Variants in NEIL2 observed in about 807,000 individuals in gnomAD.
The protein encoded by NEIL2 is endonuclease 8-like 2.
Under a neutral mutation model 22.2 loss-of-function variants are expected in NEIL2, and 23 were observed. The observed-to-expected ratio is 1.04, with a 90% CI of 0.75 to 1.47. NEIL2 has a LOEUF of 1.47. Ranked by LOEUF, NEIL2 falls within the 40% of genes most tolerant of loss-of-function variation. NEIL2 has a pLI of 0.00. For missense variants in NEIL2, 583 were observed against 404.7 expected (o/e 1.44, Z -3.78); for synonymous variants, 229 against 164.8 (o/e 1.39, Z -2.99).
chr8:11,776,306 C>T (rs2130470388), intron 2 of NEIL2, among the ~76,000 whole-genome samples: 1 of 152,236 alleles, frequency 6.6e-6, no homozygotes, highest in South Asian at 2.1e-4. Context: ...AAAACCCATC[C>T]CCATGATTCA....
At chr8:11,779,381 C>G (rs1435025971) in intron 2 of NEIL2, among the ~76,000 whole-genome samples, 1 of 152,162 alleles carries the variant, frequency 6.6e-6, no homozygotes, top group African/African-American at 2.4e-5. Context: ...TGTTTCACTG[C>G]CAACTAAGTC....
chr8:11,782,465 C>G (rs556641970), intron 3 of NEIL2: 1 of 154,330 alleles, frequency 6.5e-6, no homozygotes, highest in African/African-American at 2.4e-5. Context: ...ATTTAATATG[C>G]CTAGCCTACC....
chr8:11,785,480 G>T (rs957941158), intron 4 of NEIL2, among the ~76,000 whole-genome samples: 2 of 152,184 alleles, frequency 1.3e-5, no homozygotes, highest in South Asian at 4.1e-4. Flanking sequence ...ACAGGAATGC[G>T]CCAGGCCAAC....
rs148327331 is a variant in NEIL2, at chr8:11,779,723, G to A, written c.264G>A (p.Gln88=). The change falls in exon 3 of 5, where the codon CAG becomes CAA. Residue 88 remains glutamine, a synonymous_variant. Coordinates refer to ENST00000284503, the MANE Select transcript of NEIL2 (RefSeq NM_145043.4). ...AGGAAGGGGCTGCGGACCCAAAGCAGGTCGGGGAGCCCAGCGGGCAGAAGA... is the reference window on the plus strand; with the variant it reads ...AGGAAGGGGCTGCGGACCCAAAGCAAGTCGGGGAGCCCAGCGGGCAGAAGA... ...VQKEGAADPK[Q]VGEPSGQKTL... is the part of the protein sequence containing the mutation. The A allele has an allele frequency of 1.4e-5, 22 of 1,614,220 alleles. No homozygotes were observed. In the East Asian group the frequency reaches 4.9e-4, roughly 36 times the overall value.
At chr8:11,785,875 GC>G in intron 4 of NEIL2, 87 bp from the exon 5 acceptor site, 3 of 1,213,658 alleles carry the variant, frequency 2.5e-6, no homozygotes, top group Non-Finnish European at 3.7e-6. Flanking sequence ...ACATGGAAGA[GC>G]TGATTTCTGC....
At position 11,786,483 on chromosome 8, in the gene NEIL2, A is replaced by G; in HGVS notation, c.*210A>G. The G allele has an allele frequency of 1.7e-6, 1 of 601,064 alleles. No homozygotes were observed. Among genetic ancestry groups the G allele is most frequent in the Non-Finnish European group, 3.0e-6 (1 of 337,470 alleles). The allele number at this position is 601,064 out of a possible 1,614,324, so 37.2% of individuals were successfully genotyped here. ...TATCCTTTTCTAGTTCAGTTAATTC[A>G]TCCTGTTGAATTGCACCATCGTGAA... On this transcript the variant is annotated 3_prime_UTR_variant, in exon 5 of 5. Transcript: ENST00000284503.
In NEIL2 at chr8:11,780,041, G is replaced by A; in HGVS notation, c.491+91G>A. The A allele has an allele frequency of 9.7e-6, 11 of 1,130,564 alleles. No individual in the cohort carries two copies. The South Asian group carries it at 1.5e-4, about 15-fold the overall frequency. 70.0% of individuals were successfully genotyped at this position (1,130,564 alleles called of 1,614,324 possible). ...GGGACTTCAGCAGTGGGGACATACT[G>A]AGGACGTCCAGTCTGCCCCCCAGGG... On this transcript the variant is annotated intron_variant, in intron 3 of 4. Coordinates refer to ENST00000284503, the MANE Select transcript of NEIL2 (RefSeq NM_145043.4).
rs577504135 is a variant in NEIL2 at position 11,782,975 on chromosome 8, T to A, written c.492-228T>A. The A allele has an allele frequency of 3.5e-4, 211 of 608,748 alleles. 1 individual carries two copies. The highest frequency in any genetic ancestry group is 3.4e-3 in the African/African-American group (183 of 54,130). 37.7% of individuals were successfully genotyped at this position (608,748 alleles called of 1,614,324 possible). On this transcript the variant is annotated intron_variant, in intron 3 of 4. Transcript: ENST00000284503. ...TCCTCTGACTATGTTGTGGTAATGATGTGGGGATGTGTGTATGTGTGCATG... is the reference window on the plus strand; with the variant it reads ...TCCTCTGACTATGTTGTGGTAATGAAGTGGGGATGTGTGTATGTGTGCATG...
intron 2 of NEIL2, among the ~76,000 whole-genome samples, chr8:11,773,268 C>T (rs549970595): frequency 3.3e-5 from 5 of 152,098 alleles, no homozygotes; most frequent in African/African-American, 9.7e-5. Flanking sequence ...TGAAGGAACC[C>T]GTAGACGGGA....
At chr8:11,775,463 C>G (rs1406184724) in intron 2 of NEIL2, among the ~76,000 whole-genome samples, 2 of 152,146 alleles carry the variant, frequency 1.3e-5, no homozygotes, top group African/African-American at 2.4e-5. Flanking sequence ...GGTGTCTGGA[C>G]CTGTGATGGG....
rs1359955857 is a variant in NEIL2, at chr8:11,786,158, A to G, written c.884A>G (p.His295Arg). 2 of 1,613,920 alleles carry G rather than the reference A, an allele frequency of 1.2e-6. No individual in the cohort carries two copies. Among genetic ancestry groups the G allele is most frequent in the Non-Finnish European group, 1.7e-6 (2 of 1,179,984 alleles). Residue 295 changes from histidine to arginine, a missense_variant, in exon 5 of 5, where the codon CAC (histidine) becomes CGC (arginine). Coordinates refer to ENST00000284503, the MANE Select transcript of NEIL2 (RefSeq NM_145043.4). ...VYQKEQCPAG[H>R]QVMKEAFGPE... Reference sequence around the variant, plus strand: ...CAGAAAGAACAGTGCCCTGCTGGCCACCAGGTCATGAAGGAGGCGTTTGGG... The same window carrying G: ...CAGAAAGAACAGTGCCCTGCTGGCCGCCAGGTCATGAAGGAGGCGTTTGGG...
rs767614551 is a variant in NEIL2, at chr8:11,783,402, A to G, written c.688+3A>G. 6.2e-7 allele frequency: 1 copy of G among 1,613,670 alleles called. No individual in the cohort carries two copies. Among genetic ancestry groups the G allele is most frequent in the East Asian group, 2.2e-5 (1 of 44,886 alleles). ...CCAGAGATACTTCTCAGGGCTAGGTATGACTCATGGGAAAGGGGTGAGTCC... is the reference window on the plus strand; with the variant it reads ...CCAGAGATACTTCTCAGGGCTAGGTGTGACTCATGGGAAAGGGGTGAGTCC... On this transcript the variant is annotated splice_donor_region_variant and intron_variant, in intron 4 of 4. Transcript: ENST00000284503.
At chr8:11,771,683 C>A in intron 2 of NEIL2, 98 bp downstream of exon 2, 1 of 1,318,970 alleles carries the variant, frequency 7.6e-7, no homozygotes, top group Non-Finnish European at 1.0e-6. Flanking sequence ...TTCCCTGAGT[C>A]CGGAACCACC....
chr8:11,776,088 C>G (rs1235765167), intron 2 of NEIL2, among the ~76,000 whole-genome samples: 1 of 152,142 alleles, frequency 6.6e-6, no homozygotes, highest in Non-Finnish European at 1.5e-5. Context: ...AAGACATAAC[C>G]AAGACTTGGT....
intron 2 of NEIL2, among the ~76,000 whole-genome samples, chr8:11,776,358 T>C (rs776670986): frequency 3.3e-5 from 5 of 152,200 alleles, no homozygotes; most frequent in Non-Finnish European, 7.3e-5. Flanking sequence ...GTGGGAATTA[T>C]GGGAGCTAAA....
intron 1 of NEIL2, 141 bp from the exon 2 acceptor site, chr8:11,771,305 C>T (rs989964031): frequency 3.9e-6 from 4 of 1,012,706 alleles, no homozygotes; most frequent in African/African-American, 3.1e-5. Flanking sequence ...GCCTCCCAGC[C>T]ACACTCCCTT....
intron 2 of NEIL2, among the ~76,000 whole-genome samples, chr8:11,773,406 C>T (rs804263): frequency 0.39 from 60,006 of 151,922 alleles, 13,724 homozygotes; most frequent in East Asian, 0.71. Context: ...TCCCTGTCGG[C>T]GGGTCCCTGA....
chr8:11,783,815 G>T (rs4143456), intron 4 of NEIL2, among the ~76,000 whole-genome samples: 6 of 152,010 alleles, frequency 3.9e-5, no homozygotes, highest in Non-Finnish European at 7.4e-5. Context: ...TGTTCTAAGG[G>T]ATGCTGCTCT....
At chr8:11,785,936 C>G (rs773329138) in intron 4 of NEIL2, 27 bp from the exon 5 acceptor site, 2 of 1,608,284 alleles carry the variant, frequency 1.2e-6, no homozygotes, top group Non-Finnish European at 1.7e-6. Flanking sequence ...CTTTGTCCTT[C>G]CCTTACCTTC....
Sources: gnomAD v4.1 joint callset for allele counts (sites outside exome capture counted in the v4.1 genomes callset) on GRCh38, gnomAD v4.1.1 for gene constraint, MANE v1.5 for transcripts, NCBI Gene and HGNC (gene_info 2026-07-23, HGNC 2026-07-21) for gene names.